The following MAF variants were observed in gnomAD, a reference collection of about 807,000 sequenced individuals.
MAF encodes MAF bZIP transcription factor, also known as transcription factor Maf.
A neutral mutation model predicts 22.0 loss-of-function variants in MAF; 10 were observed. The observed-to-expected ratio is 0.45, with a 90% CI of 0.28 to 0.77. The LOEUF is 0.77. MAF is among the 30% of genes least tolerant of loss of function. The pLI is 0.12. For synonymous variants in MAF, 337 were observed against 255.8 expected (o/e 1.32, Z -3.03); for missense variants, 544 against 548.4 (o/e 0.99, Z 0.08).
At chr16:79,578,687 G>C in the MAF span, among the ~76,000 whole-genome samples, 2 of 152,134 alleles carry the variant, frequency 1.3e-5, no homozygotes, top group South Asian at 4.1e-4. Flanking sequence ...CGTCCAAGTT[G>C]AAACCCAATG....
chr16:79,221,067 C>T, the MAF span, among the ~76,000 whole-genome samples: 2 of 152,228 alleles, frequency 1.3e-5, no homozygotes, highest in Non-Finnish European at 2.9e-5. Flanking sequence ...CTCGTTTTGC[C>T]AGCCTTTTGA....
the MAF span, among the ~76,000 whole-genome samples, chr16:79,335,476 G>C: frequency 3.9e-5 from 6 of 152,134 alleles, no homozygotes; most frequent in Non-Finnish European, 7.3e-5. Context: ...AAAGACCAGG[G>C]GGGACAGGAA....
At chr16:79,260,526 C>T in the MAF span, among the ~76,000 whole-genome samples, 1 of 114,862 alleles carries the variant, frequency 8.7e-6, no homozygotes. Context: ...TGTTTTACCA[C>T]TAGGATGGAA....
the MAF span, among the ~76,000 whole-genome samples, chr16:79,283,918 T>C: frequency 8.7e-3 from 1,194 of 136,764 alleles, 14 homozygotes; most frequent in African/African-American, 0.031. Context: ...TCTGCTTCAC[T>C]CACCTTCCAT....
the MAF span, among the ~76,000 whole-genome samples, chr16:79,515,323 G>A: frequency 2.0e-5 from 3 of 152,114 alleles, no homozygotes; most frequent in African/African-American, 7.2e-5. Context: ...TTCCACTTAT[G>A]GAATTTTTGA....
the MAF span, among the ~76,000 whole-genome samples, chr16:79,381,313 C>T: frequency 6.6e-6 from 1 of 152,194 alleles, no homozygotes; most frequent in Non-Finnish European, 1.5e-5. Flanking sequence ...TGAGAGTAAA[C>T]AACCATAGGT....
downstream of MAF, among the ~76,000 whole-genome samples, chr16:79,585,331 G>A (rs1912772281): frequency 6.6e-6 from 1 of 152,132 alleles, no homozygotes. Context: ...GGGATCCATA[G>A]TCACATTTGG....
chr16:79,376,684 C>T, the MAF span, among the ~76,000 whole-genome samples: 13 of 152,076 alleles, frequency 8.5e-5, no homozygotes, highest in African/African-American at 3.1e-4. Flanking sequence ...CTCCTCCCCC[C>T]ACCCTACAAC....
the MAF span, among the ~76,000 whole-genome samples, chr16:79,457,639 C>T: frequency 6.6e-6 from 1 of 151,930 alleles, no homozygotes; most frequent in Non-Finnish European, 1.5e-5. Context: ...TGTACTTCAC[C>T]CAGAAGTAAG....
chr16:79,206,553 A>C, the MAF span: 1 of 152,192 alleles, frequency 6.6e-6, no homozygotes, highest in East Asian at 1.9e-4. Context: ...GCAAATCGTA[A>C]CCTCTCAATA....
chr16:79,522,560 A>G, the MAF span, among the ~76,000 whole-genome samples: 93 of 152,312 alleles, frequency 6.1e-4, 1 homozygote, highest in South Asian at 0.018. Context: ...CAGCCTTCCT[A>G]ATTTTGCCCC....
At chr16:79,574,333 C>T in the MAF span, among the ~76,000 whole-genome samples, 1 of 152,144 alleles carries the variant, frequency 6.6e-6, no homozygotes, top group African/African-American at 2.4e-5. Flanking sequence ...CTGATGATGA[C>T]AAATAAATAA....
chr16:79,220,397 G>A, the MAF span, among the ~76,000 whole-genome samples: 1 of 151,794 alleles, frequency 6.6e-6, no homozygotes, highest in Non-Finnish European at 1.5e-5. Context: ...CATTTTTTAT[G>A]CATTAGAAAA....
chr16:79,540,077 T>G, the MAF span, among the ~76,000 whole-genome samples: 17 of 151,808 alleles, frequency 1.1e-4, no homozygotes, highest in Non-Finnish European at 2.9e-5. Flanking sequence ...AGGGGAAGAA[T>G]TGAGACTGCA....
At chr16:79,302,735 G>A in the MAF span, among the ~76,000 whole-genome samples, 14 of 152,368 alleles carry the variant, frequency 9.2e-5, no homozygotes, top group South Asian at 2.9e-3. Context: ...TGATTTTGAA[G>A]TTAAATGTTG....
the MAF span, among the ~76,000 whole-genome samples, chr16:79,293,354 A>C: frequency 6.6e-6 from 1 of 152,224 alleles, no homozygotes; most frequent in Non-Finnish European, 1.5e-5. Context: ...AGTTCTACAA[A>C]CATTCTTGAA....
the MAF span, chr16:79,505,601 T>C: frequency 6.6e-6 from 1 of 152,384 alleles, no homozygotes; most frequent in East Asian, 1.9e-4. Flanking sequence ...ACAATGCAGA[T>C]TTCAGGGCCC....
the MAF span, among the ~76,000 whole-genome samples, chr16:79,387,034 G>A: frequency 3.5e-4 from 53 of 152,268 alleles, no homozygotes; most frequent in African/African-American, 1.3e-3. Flanking sequence ...GATTTTCCCA[G>A]AATAACTGTC....
chr16:79,266,578 G>C, the MAF span, among the ~76,000 whole-genome samples: 3 of 152,164 alleles, frequency 2.0e-5, no homozygotes, highest in South Asian at 2.1e-4. Context: ...CCATATGCAT[G>C]ATATCAAGAT....
Sources: gnomAD v4.1 joint callset for allele counts (sites outside exome capture counted in the v4.1 genomes callset) on GRCh38, gnomAD v4.1.1 for gene constraint, MANE v1.5 for transcripts, NCBI Gene and HGNC (gene_info 2026-07-23, HGNC 2026-07-21) for gene names.